Variants in UBR3 observed in about 807,000 individuals in gnomAD.
The protein encoded by UBR3 is ubiquitin protein ligase E3 component n-recognin 3.
Under a neutral mutation model 243.2 loss-of-function variants are expected in UBR3, and 85 were observed. The observed-to-expected ratio is 0.35, with a 90% CI of 0.29 to 0.42. The LOEUF is 0.42. Among genes scored for constraint, UBR3 ranks in the 10% least tolerant of loss-of-function variants. The pLI, the probability that UBR3 is intolerant of heterozygous loss-of-function variation, is 1.00. For missense variants in UBR3, 1,686 were observed against 2,300.8 expected, an observed-to-expected ratio of 0.73 and a Z score of 5.47; for synonymous variants, 748 against 799.8, an observed-to-expected ratio of 0.94 and a Z score of 1.09.
intron 5 of UBR3, among the ~76,000 whole-genome samples, chr2:169,890,549 A>ATATATGTG (rs370176054): frequency 0.42 from 24,276 of 58,040 alleles, 5,957 homozygotes; most frequent in Non-Finnish European, 0.56. Context: ...AGATATATAT[A>ATATATGTG]TATATATATA....
At chr2:169,877,841 G>A (rs2083672523) in intron 4 of UBR3, among the ~76,000 whole-genome samples, 1 of 152,120 alleles carries the variant, frequency 6.6e-6, no homozygotes, top group Non-Finnish European at 1.5e-5. Context: ...TTCTTAAATG[G>A]AATTTGATTA....
At chr2:170,079,178 A>G (rs1283795233) in intron 36 of UBR3, among the ~76,000 whole-genome samples, 2 of 152,202 alleles carry the variant, frequency 1.3e-5, no homozygotes, top group Non-Finnish European at 2.9e-5. Context: ...ACAGCTGCAA[A>G]TAGTTAATAA....
rs1054859887 is a variant in UBR3, at chr2:170,083,399, T to C, written c.*1556T>C. The C allele has an allele frequency of 6.6e-5, 10 of 152,624 alleles. No homozygotes were observed. Among genetic ancestry groups the C allele is most frequent in the Non-Finnish European group, 1.5e-4 (10 of 68,002 alleles). The allele number at this position is 152,624 out of a possible 1,614,324, so 9.5% of individuals were successfully genotyped here. On this transcript the variant is annotated 3_prime_UTR_variant, in exon 39 of 39. Transcript: ENST00000272793. ...TACATTTCCAAAATATTAAGATAAC[T>C]TTCTGTAAGAGTCAATGATTCTGTT... is the stretch of plus-strand genomic sequence containing the variant.
At chr2:170,041,643 A>G (rs2090970687) in intron 32 of UBR3, among the ~76,000 whole-genome samples, 1 of 152,216 alleles carries the variant, frequency 6.6e-6, no homozygotes, top group Admixed American at 6.5e-5. Context: ...AAAATATTCA[A>G]TCAGATAATT....
intron 30 of UBR3, among the ~76,000 whole-genome samples, chr2:170,023,616 G>T (rs78848004): frequency 6.6e-6 from 1 of 151,500 alleles, no homozygotes; most frequent in East Asian, 2.0e-4. Flanking sequence ...TTTTTGAGAC[G>T]GAGTCTTGCT....
intron 11 of UBR3, among the ~76,000 whole-genome samples, chr2:169,920,602 C>T (rs757002989): frequency 1.3e-5 from 2 of 152,100 alleles, no homozygotes; most frequent in Non-Finnish European, 2.9e-5. Context: ...AGTGTATGTG[C>T]CTCATTTTTT....
At chr2:170,040,000 A>G (rs1190501203) in intron 31 of UBR3, among the ~76,000 whole-genome samples, 2 of 151,940 alleles carry the variant, frequency 1.3e-5, no homozygotes, top group Admixed American at 1.3e-4. Flanking sequence ...TCCCATGCCT[A>G]TTGGGATTAC....
At chr2:170,048,657 C>T (rs940727342) in intron 32 of UBR3, among the ~76,000 whole-genome samples, 1 of 152,098 alleles carries the variant, frequency 6.6e-6, no homozygotes. Flanking sequence ...AATTCGTAAA[C>T]CTTGTGTTTC....
Position 169,928,831 on chromosome 2 carries a change from T to C in UBR3, c.2529T>C (p.Pro843=), listed in dbSNP as rs536474780. The C allele has an allele frequency of 4.7e-6, 7 of 1,499,246 alleles. No homozygotes were observed. The highest frequency in any genetic ancestry group is 6.3e-6 in the Non-Finnish European group (7 of 1,110,590). 92.9% of individuals were successfully genotyped at this position (1,499,246 alleles called of 1,614,324 possible). ...ATTTTAAGGCTCCTGTTTTTGAACC[T>C]GGAGGTTCTATGCAACAAGGCATGT... ...VADFKAPVFE[P]GGSMQQGMYT... is the part of the protein sequence containing the mutation. The change falls in exon 18 of 39, where the codon CCT becomes CCC. Residue 843 remains proline (P), a synonymous_variant. Coordinates refer to ENST00000272793, the MANE Select transcript of UBR3 (RefSeq NM_172070.4).
chr2:169,896,266 G>A (rs2084585547), intron 7 of UBR3, among the ~76,000 whole-genome samples: 1 of 274 alleles, frequency 3.6e-3, no homozygotes, highest in African/African-American at 4.1e-3. Context: ...CAGGCTTGGG[G>A]ACAGAGCAAG....
chr2:169,919,151 G>A (rs1469220659), intron 11 of UBR3, among the ~76,000 whole-genome samples: 4 of 152,192 alleles, frequency 2.6e-5, no homozygotes, highest in Non-Finnish European at 4.4e-5. Flanking sequence ...ACTACCTATG[G>A]TGCATGAATT....
intron 1 of UBR3, among the ~76,000 whole-genome samples, chr2:169,870,005 T>A (rs1302998901): frequency 6.6e-6 from 1 of 152,136 alleles, no homozygotes; most frequent in South Asian, 2.1e-4. Context: ...TTTTTTCTTT[T>A]GTGGCTTTTG....
intron 4 of UBR3, 34 bp downstream of exon 4, chr2:169,877,671 C>T: frequency 6.6e-7 from 1 of 1,515,840 alleles, no homozygotes; most frequent in Middle Eastern, 1.7e-4. Flanking sequence ...ACAGTTGTAA[C>T]TTTTCTGTAT....
intron 5 of UBR3, among the ~76,000 whole-genome samples, chr2:169,882,351 AATATATATTAT>A (rs1559054843): frequency 1.5e-4 from 4 of 27,168 alleles, no homozygotes; most frequent in Non-Finnish European, 5.8e-4. Flanking sequence ...TATATATGTA[AATATATATTAT>A]ATATGTAAAT....
chr2:170,008,224 A>T (rs889213097), intron 28 of UBR3, among the ~76,000 whole-genome samples: 1 of 152,186 alleles, frequency 6.6e-6, no homozygotes, highest in African/African-American at 2.4e-5. Context: ...ATGGTCTCTG[A>T]GAGAAGTGAC....
chr2:170,001,532 A>C (rs948524856), intron 27 of UBR3, 118 bp downstream of exon 27: 118 of 632,440 alleles, frequency 1.9e-4, no homozygotes, highest in Middle Eastern at 8.7e-4. Flanking sequence ...ATCATCGTAT[A>C]AACTATCCAG....
chr2:169,882,292 G>A (rs2083910587), intron 5 of UBR3, among the ~76,000 whole-genome samples: 1 of 131,350 alleles, frequency 7.6e-6, no homozygotes, highest in Non-Finnish European at 1.6e-5. Context: ...TTTATATATT[G>A]TATATTTATG....
rs116759771 is a variant in UBR3, at chr2:170,050,958, A to G, written c.4661-4502A>G. 5.3e-3 allele frequency among the ~76,000 whole-genome samples: 805 copies of G among 152,342 alleles called. 4 individuals carry two copies. The highest frequency in any genetic ancestry group is 0.018 in the African/African-American group (756 of 41,568). On this transcript the variant is annotated intron_variant, in intron 32 of 38. Coordinates refer to ENST00000272793, the MANE Select transcript of UBR3 (RefSeq NM_172070.4). ...ATGCACAGATACTCAAGTCCCTTAC[A>G]TAAAATGGTGTAGTATTTGCATATA...
At chr2:170,018,379 G>A (rs1314812572) in intron 30 of UBR3, among the ~76,000 whole-genome samples, 1 of 152,070 alleles carries the variant, frequency 6.6e-6, no homozygotes, top group African/African-American at 2.4e-5. Context: ...CTTGCTATGA[G>A]CCATGTGCGT....
Sources: allele counts gnomAD v4.1 joint callset (sites outside exome capture counted in the v4.1 genomes callset), GRCh38; gene constraint gnomAD v4.1.1; transcripts MANE v1.5; gene names NCBI Gene and HGNC (gene_info 2026-07-23, HGNC 2026-07-21).